TMEM178B: variants seen among roughly 807,000 people sequenced by gnomAD.
The protein encoded by TMEM178B is transmembrane protein 178B.
In TMEM178B, 5 loss-of-function variants were observed where a neutral mutation model predicts 31.0. That is an observed-to-expected ratio of 0.16 (90% CI 0.08 to 0.34). The LOEUF (loss-of-function observed/expected upper bound fraction) is 0.34, where lower values mean the gene tolerates loss of function less well. TMEM178B is among the 10% of genes least tolerant of loss of function. The pLI is 1.00. For synonymous variants in TMEM178B, 164 were observed against 164.0 expected, an observed-to-expected ratio of 1.00 and a Z score of 0.00; for missense variants, 275 against 400.3, an observed-to-expected ratio of 0.69 and a Z score of 2.67.
At chr7:141,336,889 C>T (rs1319830454) in intron 2 of TMEM178B, among the ~76,000 whole-genome samples, 11 of 104,622 alleles carry the variant, frequency 1.1e-4, no homozygotes, top group Non-Finnish European at 2.2e-4. Flanking sequence ...CCACCATCAC[C>T]GCTACCACCA....
chr7:141,146,027 A>G (rs1396470208), intron 1 of TMEM178B, among the ~76,000 whole-genome samples: 1 of 152,234 alleles, frequency 6.6e-6, no homozygotes, highest in African/African-American at 2.4e-5. Context: ...TGCTTACTAT[A>G]TGCTGAGCAC....
intron 3 of TMEM178B, among the ~76,000 whole-genome samples, chr7:141,456,546 TG>T (rs1266398352): frequency 2.0e-5 from 3 of 152,272 alleles, no homozygotes; most frequent in East Asian, 3.9e-4. Flanking sequence ...ATGCCAGCCC[TG>T]GGGGAGTGAT....
intron 1 of TMEM178B, among the ~76,000 whole-genome samples, chr7:141,209,354 G>A (rs553044154): frequency 1.3e-5 from 2 of 152,286 alleles, no homozygotes; most frequent in South Asian, 4.1e-4. Flanking sequence ...GTCCAGGCAG[G>A]GAAGAGGTAT....
At chr7:141,388,608 A>G (rs1298476737) in intron 2 of TMEM178B, among the ~76,000 whole-genome samples, 1 of 152,158 alleles carries the variant, frequency 6.6e-6, no homozygotes, top group Non-Finnish European at 1.5e-5. Flanking sequence ...TAATCCTAGA[A>G]ATGGTTAAAG....
intron 2 of TMEM178B, among the ~76,000 whole-genome samples, chr7:141,402,138 C>A (rs1006501775): frequency 3.3e-5 from 5 of 152,148 alleles, no homozygotes; most frequent in Non-Finnish European, 7.3e-5. Flanking sequence ...CCGGAGGACC[C>A]GCTCACTACA....
intron 1 of TMEM178B, among the ~76,000 whole-genome samples, chr7:141,193,064 C>T (rs1796723316): frequency 6.6e-6 from 1 of 152,228 alleles, no homozygotes; most frequent in African/African-American, 2.4e-5. Flanking sequence ...CTGCTTACCT[C>T]CAACTCCTCT....
chr7:141,217,774 T>C (rs940244190), intron 2 of TMEM178B, among the ~76,000 whole-genome samples: 2 of 152,080 alleles, frequency 1.3e-5, no homozygotes, highest in Non-Finnish European at 2.9e-5. Flanking sequence ...GGACTCACTG[T>C]GACGTGAGCT....
intron 2 of TMEM178B, among the ~76,000 whole-genome samples, chr7:141,367,302 T>C (rs1301675549): frequency 6.6e-6 from 1 of 152,130 alleles, no homozygotes; most frequent in Non-Finnish European, 1.5e-5. Context: ...TAAATCTCAT[T>C]CTGTTACCCA....
intron 1 of TMEM178B, among the ~76,000 whole-genome samples, chr7:141,142,527 C>T (rs1795789597): frequency 6.6e-6 from 1 of 151,820 alleles, no homozygotes; most frequent in South Asian, 2.1e-4. Flanking sequence ...CCTACCTCAG[C>T]CTCTCAAGTA....
chr7:141,496,315 A>G, the TMEM178B span, among the ~76,000 whole-genome samples: 2 of 151,878 alleles, frequency 1.3e-5, no homozygotes, highest in African/African-American at 4.8e-5. Context: ...GCCTGTGAGA[A>G]CCTGGTATGT....
intron 2 of TMEM178B, among the ~76,000 whole-genome samples, chr7:141,213,609 T>C (rs1797082161): frequency 6.6e-6 from 1 of 152,234 alleles, no homozygotes; most frequent in African/African-American, 2.4e-5. Flanking sequence ...GATCCCTTTA[T>C]TGGTAAACTT....
intron 2 of TMEM178B, among the ~76,000 whole-genome samples, chr7:141,296,415 G>A (rs1798635461): frequency 6.6e-6 from 1 of 152,156 alleles, no homozygotes; most frequent in Non-Finnish European, 1.5e-5. Context: ...GTTTGGGAAA[G>A]AGGGTTTGTG....
rs546408205 is a variant in TMEM178B, at chr7:141,422,173, G to A, written c.497-15435G>A. Among the ~76,000 whole-genome samples, 264 of 152,232 alleles carry A rather than the reference G, an allele frequency of 1.7e-3. No homozygotes were observed. The highest frequency in any genetic ancestry group is 2.7e-3 in the Non-Finnish European group (185 of 68,018). ...TTACTTCTGGCTCCTCCAGGGCTGCGGTTGGTGAAAGGAGGACAGGTAAAA... is the reference window on the plus strand; with the variant it reads ...TTACTTCTGGCTCCTCCAGGGCTGCAGTTGGTGAAAGGAGGACAGGTAAAA... On this transcript the variant is annotated intron_variant, in intron 2 of 3. Transcript: ENST00000565468. The surrounding 1 kb of genome is among the most constrained non-coding windows in gnomAD (Gnocchi z 4.2).
chr7:141,168,755 G>A (rs1380115587), intron 1 of TMEM178B, among the ~76,000 whole-genome samples: 1 of 151,970 alleles, frequency 6.6e-6, no homozygotes, highest in Non-Finnish European at 1.5e-5. Context: ...GGGCGACAGA[G>A]GGAGACTCTG....
chr7:141,305,255 C>G (rs1002882833), intron 2 of TMEM178B, among the ~76,000 whole-genome samples: 5 of 152,120 alleles, frequency 3.3e-5, no homozygotes, highest in Non-Finnish European at 2.9e-5. Context: ...AGTAAAGCAA[C>G]AACCATAATA....
intron 2 of TMEM178B, among the ~76,000 whole-genome samples, chr7:141,298,340 G>C (rs1798670422): frequency 6.6e-6 from 1 of 152,156 alleles, no homozygotes; most frequent in Non-Finnish European, 1.5e-5. Context: ...TTCTTTTGCT[G>C]TGCAGAAGCT....
At position 141,318,595 on chromosome 7, in the gene TMEM178B, G is replaced by T. The variant is rs1034680046; in HGVS notation, c.496+105891G>T. Among the ~76,000 whole-genome samples the T allele has an allele frequency of 6.6e-6, 1 of 152,116 alleles. No individual in the cohort carries two copies. The highest frequency in any genetic ancestry group is 2.4e-5 in the African/African-American group (1 of 41,434). ...AAATATTCCTCATCTCTTCAAACCC[G>T]TGCTGTGTTGCCCAGTTGTTTGATA... On this transcript the variant is annotated intron_variant, in intron 2 of 3. Coordinates refer to ENST00000565468, the MANE Select transcript of TMEM178B (RefSeq NM_001195278.2). This position sits in a 1 kb window ranked among gnomAD's most constrained non-coding sequence, Gnocchi z 4.1.
chr7:141,144,542 T>C (rs534371769), intron 1 of TMEM178B, among the ~76,000 whole-genome samples: 28 of 152,312 alleles, frequency 1.8e-4, no homozygotes, highest in Middle Eastern at 3.4e-3. Context: ...ATGGGGCTGA[T>C]GGAGTGCTCT....
intron 2 of TMEM178B, among the ~76,000 whole-genome samples, chr7:141,310,627 G>A (rs1472591428): frequency 6.6e-6 from 1 of 152,038 alleles, no homozygotes; most frequent in African/African-American, 2.4e-5. Context: ...TTCCTGGAAC[G>A]GTGATTATTA....
Sources: allele counts gnomAD v4.1 joint callset (sites outside exome capture counted in the v4.1 genomes callset), GRCh38; gene constraint gnomAD v4.1.1; non-coding constraint Gnocchi (gnomAD v3.1); transcripts MANE v1.5; gene names NCBI Gene and HGNC (gene_info 2026-07-23, HGNC 2026-07-21).